The following FHIT variants were observed in gnomAD, a reference collection of about 807,000 sequenced individuals.
The protein encoded by FHIT is bis(5'-adenosyl)-triphosphatase.
FHIT carries 19 observed loss-of-function variants against 17.9 expected under a neutral mutation model. The observed-to-expected ratio is 1.06, with a 90% CI of 0.74 to 1.56. The LOEUF (loss-of-function observed/expected upper bound fraction) is 1.56, where lower values mean the gene tolerates loss of function less well. Ranked by LOEUF, FHIT falls within the 40% of genes most tolerant of loss-of-function variation. The pLI is 0.00. For missense variants in FHIT, 248 were observed against 189.2 expected (o/e 1.31, Z -1.82); for synonymous variants, 81 against 69.7 (o/e 1.16, Z -0.81).
At chr3:60,773,076 AACTC>A (rs2108078207) in intron 4 of FHIT, among the ~76,000 whole-genome samples, 1 of 152,216 alleles carries the variant, frequency 6.6e-6, no homozygotes, top group South Asian at 2.1e-4. Context: ...CTGTCAACTA[AACTC>A]TTTCTTTACT....
chr3:60,938,760 C>A (rs1455900340), intron 3 of FHIT, among the ~76,000 whole-genome samples: 9 of 152,186 alleles, frequency 5.9e-5, no homozygotes, highest in Non-Finnish European at 1.2e-4. Context: ...AAAAACAATT[C>A]TCCAAGTTTC....
At chr3:60,152,493 GAC>G (rs1700510376) in intron 5 of FHIT, among the ~76,000 whole-genome samples, 2 of 152,190 alleles carry the variant, frequency 1.3e-5, no homozygotes, top group African/African-American at 4.8e-5. Context: ...GAATACCTAA[GAC>G]ATGTGTGTGT....
intron 3 of FHIT, among the ~76,000 whole-genome samples, chr3:60,848,706 A>T (rs1229533073): frequency 6.6e-6 from 1 of 152,224 alleles, no homozygotes; most frequent in Non-Finnish European, 1.5e-5. Context: ...TGTTATAAAG[A>T]TGAAATGAGG....
At chr3:59,952,285 A>G (rs1238761854) in intron 7 of FHIT, among the ~76,000 whole-genome samples, 1 of 152,148 alleles carries the variant, frequency 6.6e-6, no homozygotes, top group African/African-American at 2.4e-5. Flanking sequence ...AAGACCACCC[A>G]CACTGTGCAT....
At chr3:61,163,449 G>A (rs1045021107) in intron 2 of FHIT, among the ~76,000 whole-genome samples, 18 of 152,234 alleles carry the variant, frequency 1.2e-4, no homozygotes, top group African/African-American at 4.3e-4. Flanking sequence ...TTGTGATGGG[G>A]TTCTTGACAC....
At chr3:60,680,230 T>G (rs1553696479) in intron 4 of FHIT, among the ~76,000 whole-genome samples, 1 of 152,172 alleles carries the variant, frequency 6.6e-6, no homozygotes, top group Non-Finnish European at 1.5e-5. Context: ...TATTTTTCCC[T>G]TTAATTTTGA....
intron 4 of FHIT, among the ~76,000 whole-genome samples, chr3:60,596,950 A>C (rs2038291508): frequency 6.6e-6 from 1 of 152,122 alleles, no homozygotes; most frequent in Non-Finnish European, 1.5e-5. Context: ...ATGTGCTTTG[A>C]ACTATCTAGA....
chr3:60,413,776 C>T (rs924164115), intron 5 of FHIT, among the ~76,000 whole-genome samples: 1 of 152,032 alleles, frequency 6.6e-6, no homozygotes, highest in African/African-American at 2.4e-5. Flanking sequence ...AGCAAACACA[C>T]AAAAAATGCA....
chr3:60,805,928 G>T (rs527981742), intron 4 of FHIT, among the ~76,000 whole-genome samples: 1 of 152,176 alleles, frequency 6.6e-6, no homozygotes, highest in East Asian at 1.9e-4. Flanking sequence ...AGGGATTCAG[G>T]CTTCAGTGTA....
At chr3:60,267,130 T>C (rs1706618210) in intron 5 of FHIT, among the ~76,000 whole-genome samples, 1 of 152,008 alleles carries the variant, frequency 6.6e-6, no homozygotes, top group African/African-American at 2.4e-5. Flanking sequence ...TCTGCTTCCA[T>C]AGTGCAAAAT....
At chr3:60,878,186 C>T (rs1433885619) in intron 3 of FHIT, among the ~76,000 whole-genome samples, 1 of 151,982 alleles carries the variant, frequency 6.6e-6, no homozygotes, top group Non-Finnish European at 1.5e-5. Flanking sequence ...GTAGGGGCTG[C>T]CTAACAGTCA....
Position 60,908,555 on chromosome 3 carries a change from G to A in FHIT, c.-110-86544C>T, listed in dbSNP as rs539914372. Reference sequence around the variant, plus strand: ...GTATCTAGAAAAGAGGAAAGTCACAGAATGGAAAAATAGACACAAAAAGCT... The same window carrying A: ...GTATCTAGAAAAGAGGAAAGTCACAAAATGGAAAAATAGACACAAAAAGCT... On this transcript the variant is annotated intron_variant, in intron 3 of 9. Transcript: ENST00000492590. Among the ~76,000 whole-genome samples the A allele has an allele frequency of 4.2e-4, 64 of 152,144 alleles. 1 individual carries two copies. The highest frequency in any genetic ancestry group is 2.2e-3 in the Admixed American group (33 of 15,268).
intron 5 of FHIT, among the ~76,000 whole-genome samples, chr3:60,111,401 A>G (rs1484478585): frequency 6.6e-6 from 1 of 152,210 alleles, no homozygotes; most frequent in Non-Finnish European, 1.5e-5. Flanking sequence ...AAGAATAACA[A>G]CAAAAGTTGG....
At chr3:60,231,920 A>G (rs1164160182) in intron 5 of FHIT, among the ~76,000 whole-genome samples, 1 of 152,288 alleles carries the variant, frequency 6.6e-6, no homozygotes, top group Middle Eastern at 3.4e-3. Context: ...GGCCTTAACC[A>G]TAGGGCTGAG....
chr3:60,449,190 A>C (rs1045518182), intron 5 of FHIT, among the ~76,000 whole-genome samples: 22 of 152,146 alleles, frequency 1.4e-4, no homozygotes, highest in Middle Eastern at 3.2e-3. Flanking sequence ...TCAAGCTGCA[A>C]ATCTGCATTT....
At chr3:59,808,941 A>G (rs1489446840) in intron 8 of FHIT, among the ~76,000 whole-genome samples, 6 of 152,178 alleles carry the variant, frequency 3.9e-5, no homozygotes, top group African/African-American at 9.7e-5. Context: ...TTGAAAAACT[A>G]TATTTTAAAA....
chr3:60,542,137 C>T (rs1374120461), intron 4 of FHIT, among the ~76,000 whole-genome samples: 1 of 152,112 alleles, frequency 6.6e-6, no homozygotes, highest in East Asian at 1.9e-4. Context: ...GGTTTTAAAT[C>T]CCATTCTTCT....
At chr3:60,941,985 T>G (rs1708428491) in intron 3 of FHIT, among the ~76,000 whole-genome samples, 2 of 152,130 alleles carry the variant, frequency 1.3e-5, no homozygotes, top group Admixed American at 6.5e-5. Flanking sequence ...GTAAATAGTT[T>G]CTGTTGTTGT....
chr3:59,806,951 C>T (rs1354685724), intron 8 of FHIT, among the ~76,000 whole-genome samples: 1 of 151,988 alleles, frequency 6.6e-6, no homozygotes, highest in Non-Finnish European at 1.5e-5. Context: ...TCAGACAGTT[C>T]CAGAAACAGA....
Sources: allele counts gnomAD v4.1 joint callset (sites outside exome capture counted in the v4.1 genomes callset), GRCh38; gene constraint gnomAD v4.1.1; transcripts MANE v1.5; gene names NCBI Gene and HGNC (gene_info 2026-07-23, HGNC 2026-07-21).